The following STAC variants were observed in gnomAD, a reference collection of about 807,000 sequenced individuals.
The protein encoded by STAC is SH3 and cysteine rich domain, also known as SH3 and cysteine-rich domain-containing protein.
In STAC, 43 loss-of-function variants were observed where a neutral mutation model predicts 48.8. The ratio of observed to expected loss-of-function variants is 0.88; its 90% CI spans 0.69 to 1.14. STAC has a LOEUF of 1.14. Among genes scored for constraint, STAC ranks in the 50% most tolerant of loss-of-function variants. The pLI, the probability that STAC is intolerant of heterozygous loss-of-function variation, is 0.00. For synonymous variants in STAC, 193 were observed against 179.5 expected, an observed-to-expected ratio of 1.07 and a Z score of -0.60; for missense variants, 497 against 504.0, an observed-to-expected ratio of 0.99 and a Z score of 0.13.
At chr3:36,411,958 G>C (rs1011066826) in intron 1 of STAC, among the ~76,000 whole-genome samples, 1 of 151,948 alleles carries the variant, frequency 6.6e-6, no homozygotes, top group Admixed American at 6.6e-5. Flanking sequence ...TATGCCCATG[G>C]GAGTATAGCA....
At chr3:36,417,043 C>T (rs1158025890) in intron 1 of STAC, among the ~76,000 whole-genome samples, 1 of 152,108 alleles carries the variant, frequency 6.6e-6, no homozygotes, top group Non-Finnish European at 1.5e-5. Context: ...CTTTGGCCTA[C>T]TCCTGATATA....
intron 1 of STAC, among the ~76,000 whole-genome samples, chr3:36,417,832 C>T (rs1700354750): frequency 6.6e-6 from 1 of 152,152 alleles, no homozygotes; most frequent in South Asian, 2.1e-4. Flanking sequence ...TCCAGCCATT[C>T]CTTTGCAGAT....
chr3:36,458,585 ACAGTGTGATATCTACCAAAT>A (rs1424875562), intron 2 of STAC, among the ~76,000 whole-genome samples: 1 of 152,136 alleles, frequency 6.6e-6, no homozygotes, highest in African/African-American at 2.4e-5. Flanking sequence ...GCGTGAAGGA[ACAGTGTGATATCTACCAAAT>A]CACTTTGCTT....
At chr3:36,439,791 C>T (rs576356769) in intron 1 of STAC, among the ~76,000 whole-genome samples, 33 of 152,280 alleles carry the variant, frequency 2.2e-4, no homozygotes, top group African/African-American at 7.2e-4. Context: ...CTCATAGCCC[C>T]TTCTCACTTA....
At chr3:36,499,872 A>T (rs189629195) in intron 6 of STAC, among the ~76,000 whole-genome samples, 252 of 152,176 alleles carry the variant, frequency 1.7e-3, no homozygotes, top group African/African-American at 4.6e-3. Flanking sequence ...AGCAAAAAAA[A>T]ATATATAGCT....
At chr3:36,428,755 T>G (rs1046206032) in intron 1 of STAC, among the ~76,000 whole-genome samples, 7 of 152,154 alleles carry the variant, frequency 4.6e-5, no homozygotes, top group African/African-American at 9.7e-5. Context: ...GAGGGACTGG[T>G]GCAGAGTGAG....
intron 5 of STAC, among the ~76,000 whole-genome samples, chr3:36,487,020 G>A (rs947189036): frequency 6.6e-6 from 1 of 152,224 alleles, no homozygotes; most frequent in Non-Finnish European, 1.5e-5. Context: ...CTGCTGGACT[G>A]GAAGCTTCTA....
intron 2 of STAC, among the ~76,000 whole-genome samples, chr3:36,466,922 TC>T (rs1406536341): frequency 2.0e-5 from 3 of 151,960 alleles, no homozygotes; most frequent in Admixed American, 1.3e-4. Context: ...CTAGTCTTGT[TC>T]CAGTTCTCGG....
Position 36,448,659 on chromosome 3 carries a change from A to G in STAC, c.388+5019A>G, listed in dbSNP as rs1696587980. Among the ~76,000 whole-genome samples the G allele has an allele frequency of 2.6e-5, 4 of 152,160 alleles. No individual in the cohort carries two copies. The South Asian group carries it at 8.3e-4, about 32-fold the overall frequency. On this transcript the variant is annotated intron_variant, in intron 2 of 10. Transcript: ENST00000273183. Reference sequence around the variant, plus strand: ...AAGACTTTGAAAACTGTTATCTTCAAATAGTTGAAAAGATCTCATCTGGAA... The same window carrying G: ...AAGACTTTGAAAACTGTTATCTTCAGATAGTTGAAAAGATCTCATCTGGAA...
At chr3:36,468,750 ATG>A (rs142552025) in intron 2 of STAC, among the ~76,000 whole-genome samples, 286 of 145,416 alleles carry the variant, frequency 2.0e-3, no homozygotes, top group African/African-American at 4.6e-3. Flanking sequence ...AAATACATAT[ATG>A]TGTGTGTGTG....
intron 2 of STAC, among the ~76,000 whole-genome samples, chr3:36,468,530 A>G (rs1164063266): frequency 1.3e-5 from 2 of 151,206 alleles, no homozygotes; most frequent in African/African-American, 4.8e-5. Context: ...GTTGCTGTCT[A>G]TCTCATTTAT....
intron 1 of STAC, among the ~76,000 whole-genome samples, chr3:36,418,149 T>C (rs370901885): frequency 3.3e-5 from 5 of 152,284 alleles, no homozygotes; most frequent in African/African-American, 1.2e-4. Context: ...GATTTTTCGG[T>C]ATCTCTCCTG....
chr3:36,438,645 C>T (rs1022367142), intron 1 of STAC, among the ~76,000 whole-genome samples: 24 of 152,300 alleles, frequency 1.6e-4, no homozygotes, highest in South Asian at 2.1e-4. Context: ...CAGGCAGGGT[C>T]CGATGGCTTC....
chr3:36,410,009 A>G (rs1700161558), intron 1 of STAC, among the ~76,000 whole-genome samples: 1 of 152,164 alleles, frequency 6.6e-6, no homozygotes, highest in Non-Finnish European at 1.5e-5. Flanking sequence ...GGAGTGGCCT[A>G]TTTTTAGAGA....
intron 1 of STAC, among the ~76,000 whole-genome samples, chr3:36,408,680 C>A (rs73059919): frequency 0.023 from 3,535 of 152,260 alleles, 59 homozygotes; most frequent in East Asian, 0.026. Context: ...TAGTTGCAAA[C>A]AGGCAGCCAT....
chr3:36,493,273 C>T (rs765826403), intron 6 of STAC, 44 bp downstream of exon 6: 1 of 1,592,746 alleles, frequency 6.3e-7, no homozygotes, highest in African/African-American at 1.3e-5. Flanking sequence ...TCACATGAGT[C>T]AGGGTCAGTG....
intron 1 of STAC, among the ~76,000 whole-genome samples, chr3:36,401,530 C>T (rs767175834): frequency 6.6e-5 from 10 of 152,138 alleles, no homozygotes; most frequent in Non-Finnish European, 1.3e-4. Flanking sequence ...GCTTTAGGAA[C>T]TTGGGTAGAA....
chr3:36,392,095 A>C (rs552772601), intron 1 of STAC, among the ~76,000 whole-genome samples: 4 of 152,216 alleles, frequency 2.6e-5, no homozygotes, highest in African/African-American at 9.6e-5. Context: ...CTTGGAAAAG[A>C]TTCCCATCAC....
intron 8 of STAC, among the ~76,000 whole-genome samples, chr3:36,510,651 T>C (rs1404257081): frequency 6.6e-6 from 1 of 152,174 alleles, no homozygotes; most frequent in East Asian, 1.9e-4. Flanking sequence ...GTTCATGCCC[T>C]TTGCAGGGAC....
Sources: allele counts gnomAD v4.1 joint callset (sites outside exome capture counted in the v4.1 genomes callset), GRCh38; gene constraint gnomAD v4.1.1; transcripts MANE v1.5; gene names NCBI Gene and HGNC (gene_info 2026-07-23, HGNC 2026-07-21).